Variants in PCDHA10 observed in about 807,000 individuals in gnomAD.
The protein encoded by PCDHA10 is protocadherin alpha 10, also known as protocadherin alpha-10.
PCDHA10 carries 45 observed loss-of-function variants against 61.2 expected under a neutral mutation model. The ratio of observed to expected loss-of-function variants is 0.74; its 90% confidence interval spans 0.58 to 0.94. The LOEUF (loss-of-function observed/expected upper bound fraction) is 0.94, where lower values mean the gene tolerates loss of function less well. PCDHA10 is among the 40% of genes least tolerant of loss of function. PCDHA10 has a pLI of 0.00. For synonymous variants in PCDHA10, 602 were observed against 548.8 expected (o/e 1.10, Z -1.35); for missense variants, 1,278 against 1,236.2 (o/e 1.03, Z -0.51).
intron 1 of PCDHA10, among the ~76,000 whole-genome samples, chr5:140,890,477 C>T (rs1255992157): frequency 2.0e-5 from 3 of 151,926 alleles, no homozygotes; most frequent in African/African-American, 7.3e-5. Flanking sequence ...ATTTTTTGTG[C>T]GTTATTTTTG....
At chr5:140,875,342 A>G in intron 1 of PCDHA10, 1 of 1,443,152 alleles carries the variant, frequency 6.9e-7, no homozygotes, top group South Asian at 1.5e-5. Flanking sequence ...GATCGACTCC[A>G]TAATGACTGT....
chr5:140,914,318 T>C (rs2076678777), intron 1 of PCDHA10, among the ~76,000 whole-genome samples: 6 of 152,216 alleles, frequency 3.9e-5, no homozygotes, highest in Admixed American at 3.9e-4. Flanking sequence ...CCCATTATCA[T>C]TGTACAAAGA....
chr5:141,004,750 C>T (rs1205050665), intron 3 of PCDHA10, among the ~76,000 whole-genome samples: 1 of 152,112 alleles, frequency 6.6e-6, no homozygotes, highest in Non-Finnish European at 1.5e-5. Flanking sequence ...GTCTCAGTCT[C>T]TTAGAGACAG....
intron 1 of PCDHA10, chr5:140,930,381 A>G (rs569032116): frequency 2.0e-5 from 3 of 152,008 alleles, no homozygotes; most frequent in East Asian, 3.9e-4. Flanking sequence ...GGCCCTTGGC[A>G]TTTCAAAACT....
intron 1 of PCDHA10, chr5:140,884,567 A>T (rs1562807924): frequency 6.2e-7 from 1 of 1,614,120 alleles, no homozygotes; most frequent in Non-Finnish European, 8.5e-7. Context: ...CCCGCATAAG[A>T]CGGACCTCAT....
chr5:140,967,976 C>T (rs2096205972), intron 1 of PCDHA10: 3 of 1,614,222 alleles, frequency 1.9e-6, no homozygotes, highest in Non-Finnish European at 2.5e-6. Context: ...GAGCCTGGGT[C>T]TGGAGGCCAC....
At position 140,968,564 on chromosome 5, in the gene PCDHA10, G is replaced by A. The variant is rs565573880; in HGVS notation, c.2389-10385G>A. ...CGAGATGGTGCCTCGAACTGCCCCT[G>A]CTGGCTACCTGGTCACCAAAGTCAT... On this transcript the variant is annotated intron_variant, in intron 1 of 3. Coordinates refer to ENST00000307360, the MANE Select transcript of PCDHA10 (RefSeq NM_018901.4). 3.1e-6 allele frequency: 5 copies of A among 1,614,168 alleles called. No homozygotes were observed. The Admixed American group carries it at 8.3e-5, about 27-fold the overall frequency.
intron 1 of PCDHA10, chr5:140,866,298 G>A (rs2049270991): frequency 6.6e-6 from 1 of 152,134 alleles, no homozygotes; most frequent in African/African-American, 2.4e-5. Flanking sequence ...AAGTATAGAT[G>A]TTGATATTAT....
At position 140,856,042 on chromosome 5, in the gene PCDHA10, G is replaced by A. The variant is rs149114226; in HGVS notation, c.-7G>A. On this transcript the variant is annotated 5_prime_UTR_variant, in exon 1 of 4. Transcript: ENST00000307360. ...TTCGTCGATTTGTAAAACAAGAGAA[G>A]GATAAGATGGTTTCCAGATGTAGCT... 68 of 1,579,466 alleles carry A rather than the reference G, an allele frequency of 4.3e-5. 8 individuals carry two copies. The Admixed American group carries it at 1.1e-3, about 26-fold the overall frequency.
At chr5:140,874,881 C>T (rs1316593398) in intron 1 of PCDHA10, among the ~76,000 whole-genome samples, 3 of 152,102 alleles carry the variant, frequency 2.0e-5, no homozygotes, top group Non-Finnish European at 2.9e-5. Context: ...AATACAAATT[C>T]CTAACTTTCT....
At chr5:140,900,807 A>T (rs868976984) in intron 1 of PCDHA10, among the ~76,000 whole-genome samples, 1 of 152,176 alleles carries the variant, frequency 6.6e-6, no homozygotes, top group African/African-American at 2.4e-5. Context: ...TAGTGCTTGT[A>T]CTAATTTACA....
chr5:140,928,478 A>G (rs1554205922), intron 1 of PCDHA10: 1 of 1,614,132 alleles, frequency 6.2e-7, no homozygotes, highest in East Asian at 2.2e-5. Context: ...GAAGGCCGGG[A>G]TGGTGGCATT....
At chr5:140,903,321 T>A (rs2070191003) in intron 1 of PCDHA10, among the ~76,000 whole-genome samples, 1 of 152,174 alleles carries the variant, frequency 6.6e-6, no homozygotes, top group Non-Finnish European at 1.5e-5. Flanking sequence ...GACAGCATTT[T>A]TATTGAGGAA....
At chr5:141,000,361 GTCTC>G (rs148596731) in intron 3 of PCDHA10, among the ~76,000 whole-genome samples, 1,917 of 26,274 alleles carry the variant, frequency 0.073, 118 homozygotes, top group African/African-American at 0.11. Flanking sequence ...GTCTCTCTCT[GTCTC>G]TCTCTCTCTC....
At chr5:140,996,190 C>T (rs2097716017) in intron 3 of PCDHA10, among the ~76,000 whole-genome samples, 1 of 152,200 alleles carries the variant, frequency 6.6e-6, no homozygotes, top group African/African-American at 2.4e-5. Flanking sequence ...CCATTTTATA[C>T]CCTCAATGCA....
chr5:140,876,764 G>A (rs1562718507), intron 1 of PCDHA10: 3 of 1,614,220 alleles, frequency 1.9e-6, no homozygotes, highest in Non-Finnish European at 2.5e-6. Context: ...CGGGATGGGG[G>A]CTCGCCTTCG....
At chr5:140,876,133 GAACT>G (rs782651538) in intron 1 of PCDHA10, 8 of 1,613,820 alleles carry the variant, frequency 5.0e-6, no homozygotes, top group East Asian at 2.2e-5. Flanking sequence ...CGGTAAACCA[GAACT>G]AACAGGGTCT....
chr5:140,951,603 T>G (rs1056623799), intron 1 of PCDHA10, among the ~76,000 whole-genome samples: 2 of 152,094 alleles, frequency 1.3e-5, no homozygotes, highest in African/African-American at 4.8e-5. Flanking sequence ...CTCACTGTTA[T>G]GAGAATAGCA....
At chr5:140,946,631 T>TATATATATATACACACAC (rs57893927) in intron 1 of PCDHA10, among the ~76,000 whole-genome samples, 1 of 131,846 alleles carries the variant, frequency 7.6e-6, no homozygotes, top group East Asian at 2.0e-4. Context: ...TATATATATA[T>TATATATATATACACACAC]ACAATGGAAT....
Sources: allele counts gnomAD v4.1 joint callset (sites outside exome capture counted in the v4.1 genomes callset), GRCh38; gene constraint gnomAD v4.1.1; transcripts MANE v1.5; gene names NCBI Gene and HGNC (gene_info 2026-07-23, HGNC 2026-07-21).